The following AP5M1 variants were observed in gnomAD, a reference collection of about 807,000 sequenced individuals.
AP5M1 encodes AP-5 complex subunit mu-1.
In AP5M1, 44 loss-of-function variants were observed where a neutral mutation model predicts 52.3. The observed-to-expected ratio is 0.84, with a 90% CI of 0.66 to 1.08. The LOEUF (loss-of-function observed/expected upper bound fraction) is 1.08, where lower values mean the gene tolerates loss of function less well. Among genes scored for constraint, AP5M1 ranks in the 50% least tolerant of loss-of-function variants. The probability of loss-of-function intolerance (pLI) is 0.00; values close to 1 mark genes in which losing one functional copy is unlikely to be tolerated. For missense variants in AP5M1, 526 were observed against 568.4 expected (o/e 0.93, Z 0.76); for synonymous variants, 213 against 199.0 (o/e 1.07, Z -0.59).
chr14:57,297,467 A>G lies in AP5M1; in HGVS notation c.*8583A>G, dbSNP rs1407304754. ...CTAATGTGTCTTAGATTTACCAACT[A>G]TCCTAATGTGTAGTCAATTGATAAA... is the stretch of plus-strand genomic sequence containing the variant. On this transcript the variant is annotated 3_prime_UTR_variant, in exon 8 of 8. Coordinates refer to ENST00000261558, the MANE Select transcript of AP5M1 (RefSeq NM_018229.4). The G allele has an allele frequency of 6.6e-6, 1 of 152,172 alleles. No individual in the cohort carries two copies. The highest frequency in any genetic ancestry group is 2.4e-5 in the African/African-American group (1 of 41,444). The allele number at this position is 152,172 out of a possible 1,614,324, so 9.4% of individuals were successfully genotyped here.
chr14:57,288,804 C>A lies in AP5M1; in HGVS notation c.1393C>A (p.Arg465=). The A allele has an allele frequency of 6.4e-7, 1 of 1,571,774 alleles. No individual in the cohort carries two copies. The highest frequency in any genetic ancestry group is 8.7e-7 in the Non-Finnish European group (1 of 1,148,524). The change falls in exon 8 of 8, where the codon CGG becomes AGG. Residue 465 remains arginine, a splice_region_variant and synonymous_variant. Coordinates refer to ENST00000261558, the MANE Select transcript of AP5M1 (RefSeq NM_018229.4). Reference sequence around the variant, plus strand: ...TAATTTCTTTTTCTTTTCTTTAGACCGGAAACTAATTTCTTCTGATTATTA... The same window carrying A: ...TAATTTCTTTTTCTTTTCTTTAGACAGGAAACTAATTTCTTCTGATTATTA... ...ASGKPKISAH[R]KLISSDYYIW...
At position 57,274,397 on chromosome 14, in the gene AP5M1, A is replaced by G. The variant is rs201278202; in HGVS notation, c.228A>G (p.Ser76=). 6.2e-7 allele frequency: 1 copy of G among 1,614,182 alleles called. No homozygotes were observed. The highest frequency in any genetic ancestry group is 1.1e-5 in the South Asian group (1 of 91,080). ...KDFVESRDSC[S]RINKTSIYGL... is the part of the protein sequence containing the mutation. ...TCGTTGAGAGTCGTGATAGCTGTTC[A>G]CGCATCAATAAAACATCCATTTATG... Residue 76 remains serine, a synonymous_variant, in exon 2 of 8, where the codon TCA becomes TCG. Transcript: ENST00000261558.
At chr14:57,278,824 T>A (rs1885100176) in intron 2 of AP5M1, among the ~76,000 whole-genome samples, 1 of 152,086 alleles carries the variant, frequency 6.6e-6, no homozygotes, top group African/African-American at 2.4e-5. Context: ...GTAGAAAATT[T>A]TTAAGCAGGT....
At chr14:57,274,161 A>G in intron 1 of AP5M1, 83 bp from the exon 2 acceptor site, 1 of 1,418,238 alleles carries the variant, frequency 7.1e-7, no homozygotes, top group Non-Finnish European at 9.5e-7. Context: ...TGTTTGCCTT[A>G]TATTTGAGAG....
At chr14:57,269,703 C>T (rs534235047) in intron 1 of AP5M1, among the ~76,000 whole-genome samples, 1 of 152,332 alleles carries the variant, frequency 6.6e-6, no homozygotes, top group East Asian at 1.9e-4. Context: ...ATTTACTGAG[C>T]ACTAAACATT....
At chr14:57,286,143 A>T (rs1885302054) in intron 6 of AP5M1, 80 bp from the exon 7 acceptor site, 2 of 913,774 alleles carry the variant, frequency 2.2e-6, no homozygotes, top group Non-Finnish European at 3.5e-6. Flanking sequence ...ATTCCCTAAG[A>T]CTGGGTTAAG....
At chr14:57,277,094 A>G (rs1885057391) in intron 2 of AP5M1, among the ~76,000 whole-genome samples, 1 of 150,904 alleles carries the variant, frequency 6.6e-6, no homozygotes, top group Non-Finnish European at 1.5e-5. Flanking sequence ...AATTTTGTGA[A>G]TCTTTTCTCA....
intron 1 of AP5M1, among the ~76,000 whole-genome samples, chr14:57,270,674 C>A (rs117158673): frequency 6.6e-6 from 1 of 152,244 alleles, no homozygotes; most frequent in East Asian, 1.9e-4. Flanking sequence ...CGCATCAGTC[C>A]GTACAAAGTA....
At chr14:57,281,205 C>T (rs1424103667) in intron 3 of AP5M1, among the ~76,000 whole-genome samples, 1 of 152,108 alleles carries the variant, frequency 6.6e-6, no homozygotes, top group Non-Finnish European at 1.5e-5. Flanking sequence ...CCCCATTTTA[C>T]AGCTGAGGAG....
Position 57,269,066 on chromosome 14 carries a change from A to G in AP5M1, c.-249A>G. 5.3e-6 allele frequency: 3 copies of G among 565,986 alleles called. No individual in the cohort carries two copies. The highest frequency in any genetic ancestry group is 3.0e-5 in the East Asian group (1 of 33,310). 35.1% of individuals were successfully genotyped at this position (565,986 alleles called of 1,614,324 possible). The stretch of plus-strand genomic sequence containing the variant: ...GAAGAAAATACCGGAGTTGCAGGGT[A>G]TAGGTAAATTTCTCAAGGTTATAGG... On this transcript the variant is annotated 5_prime_UTR_variant, in exon 1 of 8. Coordinates refer to ENST00000261558, the MANE Select transcript of AP5M1 (RefSeq NM_018229.4).
rs770828094 is a variant in AP5M1, at chr14:57,288,909, TATA to T, written c.*28_*30del. 3.0e-6 allele frequency: 4 copies of T among 1,313,558 alleles called. No homozygotes were observed. The highest frequency in any genetic ancestry group is 4.2e-5 in the Admixed American group (2 of 48,094). 81.4% of individuals were successfully genotyped at this position (1,313,558 alleles called of 1,614,324 possible). A position where few individuals can be genotyped will look rare whatever the true frequency, so the allele number is the denominator to read the frequency against. On this transcript the variant is annotated 3_prime_UTR_variant, in exon 8 of 8. Transcript: ENST00000261558. ...ATAGTCTCATGTTTAAATGGGATTATATAATGATAACAGTTTAAAGAAAATCAT... is the reference window on the plus strand; with the variant it reads ...ATAGTCTCATGTTTAAATGGGATTATATGATAACAGTTTAAAGAAAATCAT...
At position 57,292,416 on chromosome 14, in the gene AP5M1, T is replaced by C. The variant is rs995743641; in HGVS notation, c.*3532T>C. 1 of 151,864 alleles carries C rather than the reference T, an allele frequency of 6.6e-6. No homozygotes were observed. Among genetic ancestry groups the C allele is most frequent in the African/African-American group, 2.4e-5 (1 of 41,402 alleles). The allele number at this position is 151,864 out of a possible 1,614,324, so 9.4% of individuals were successfully genotyped here. ...ACACTACCAGGGTGTGCGTTTATTC[T>C]CTATAACCTTTTAAAGCAAGGGCCA... On this transcript the variant is annotated 3_prime_UTR_variant, in exon 8 of 8. Transcript: ENST00000261558.
At chr14:57,269,594 C>T (rs888475962) in intron 1 of AP5M1, among the ~76,000 whole-genome samples, 9 of 152,054 alleles carry the variant, frequency 5.9e-5, no homozygotes, top group Admixed American at 5.2e-4. Context: ...ATGACTGGTA[C>T]ATATTATTTA....
At chr14:57,288,660 CT>C in intron 7 of AP5M1, 141 bp from the exon 8 acceptor site, 1 of 569,564 alleles carries the variant, frequency 1.8e-6, no homozygotes, top group Non-Finnish European at 3.1e-6. Flanking sequence ...ATAATAAAGT[CT>C]TGATAATATG....
In AP5M1 at chr14:57,280,390, G is replaced by A; in HGVS notation, c.916G>A (p.Glu306Lys). 3 of 1,613,540 alleles carry A rather than the reference G, an allele frequency of 1.9e-6. No homozygotes were observed. The highest frequency in any genetic ancestry group is 1.7e-4 in the Middle Eastern group (1 of 6,060). ...CAAATTTCCATTCACTCCACCTTTAGAGTCATTCAACTTATGCTTCTACAC... is the reference window on the plus strand; with the variant it reads ...CAAATTTCCATTCACTCCACCTTTAAAGTCATTCAACTTATGCTTCTACAC... Reference protein sequence around the residue: ...PYKFPFTPPLESFNLCFYTSQ... With the variant: ...PYKFPFTPPLKSFNLCFYTSQ... The change falls in exon 3 of 8, where the codon GAG becomes AAG. Residue 306 changes from glutamate to lysine, a missense_variant. Glu to Lys is a moderately conservative substitution (Grantham distance 56). This residue lies in a region of AP5M1 where 425 missense variants were observed against 430.6 expected (regional missense o/e 0.99). Coordinates refer to ENST00000261558, the MANE Select transcript of AP5M1 (RefSeq NM_018229.4).
chr14:57,280,969 A>C (rs967855003), intron 3 of AP5M1, among the ~76,000 whole-genome samples: 4 of 152,070 alleles, frequency 2.6e-5, no homozygotes, highest in Non-Finnish European at 5.9e-5. Context: ...CCTAAAAAGG[A>C]GTTCATGGTC....
chr14:57,271,757 C>T (rs1487508321), intron 1 of AP5M1, among the ~76,000 whole-genome samples: 1 of 152,192 alleles, frequency 6.6e-6, no homozygotes, highest in East Asian at 1.9e-4. Context: ...TATCTTCCTA[C>T]ATTGTCTTCT....
Position 57,293,724 on chromosome 14 carries a change from T to TAC in AP5M1, c.*4846_*4847dup, listed in dbSNP as rs201552983. The stretch of plus-strand genomic sequence containing the variant: ...CACCATCACAGAATATATATATATA[T>TAC]ACACACAACATATATATACAAGTAT... On this transcript the variant is annotated 3_prime_UTR_variant, in exon 8 of 8. Coordinates refer to ENST00000261558, the MANE Select transcript of AP5M1 (RefSeq NM_018229.4). 1,833 of 151,612 alleles carry TAC rather than the reference T, an allele frequency of 0.012. 43 individuals are homozygous for TAC. The highest frequency in any genetic ancestry group is 0.042 in the African/African-American group (1,748 of 41,384). The allele number at this position is 151,612 out of a possible 1,614,324, so 9.4% of individuals were successfully genotyped here.
At chr14:57,271,950 T>C (rs975097678) in intron 1 of AP5M1, among the ~76,000 whole-genome samples, 1 of 152,230 alleles carries the variant, frequency 6.6e-6, no homozygotes, top group African/African-American at 2.4e-5. Flanking sequence ...GTGTTAGTTA[T>C]GTCCCCTCAT....
Sources: allele counts gnomAD v4.1 joint callset (sites outside exome capture counted in the v4.1 genomes callset), GRCh38; gene constraint gnomAD v4.1.1; regional missense constraint gnomAD v4.1.1; transcripts MANE v1.5; gene names NCBI Gene and HGNC (gene_info 2026-07-23, HGNC 2026-07-21).